NEMF: variants seen among roughly 807,000 people sequenced by gnomAD.
The protein encoded by NEMF is nuclear export mediator factor, also known as ribosome quality control complex subunit NEMF.
A neutral mutation model predicts 162.2 loss-of-function variants in NEMF; 89 were observed. The observed-to-expected ratio is 0.55, with a 90% CI of 0.46 to 0.65. The LOEUF (loss-of-function observed/expected upper bound fraction) is 0.65, where lower values mean the gene tolerates loss of function less well. Ranked by LOEUF, NEMF falls within the 30% of genes least tolerant of loss-of-function variation. NEMF has a pLI of 0.00. For missense variants in NEMF, 1,133 were observed against 1,261.9 expected (o/e 0.90, Z 1.55); for synonymous variants, 421 against 404.5 (o/e 1.04, Z -0.49).
At chr14:49,822,398 G>T (rs1293566910) in intron 16 of NEMF, among the ~76,000 whole-genome samples, 1 of 151,340 alleles carries the variant, frequency 6.6e-6, no homozygotes, top group East Asian at 1.9e-4. Context: ...GCGCACACCT[G>T]TAGTCCCAGC....
At position 49,800,698 on chromosome 14, in the gene NEMF, T is replaced by C. The variant is rs2139857246; in HGVS notation, c.2096-2A>G. ...CATCACTGCTCGTGTCACCTCCATC[T>C]GTAGAATTATCATAAGGAAAGTCAG... On this transcript the variant is annotated splice_acceptor_variant, in intron 22 of 32. Transcript: ENST00000298310. LOFTEE classifies it high-confidence loss of function. 1 of 1,610,570 alleles carries C rather than the reference T, an allele frequency of 6.2e-7. No individual in the cohort carries two copies. Among genetic ancestry groups the C allele is most frequent in the Non-Finnish European group, 8.5e-7 (1 of 1,178,342 alleles).
chr14:49,846,692 T>TG (rs1594811004), intron 3 of NEMF, among the ~76,000 whole-genome samples: 1 of 152,320 alleles, frequency 6.6e-6, no homozygotes, highest in East Asian at 1.9e-4. Context: ...CTCAAACTCC[T>TG]GGGCACAAGC....
At position 49,783,077 on chromosome 14, in the gene NEMF, T is replaced by C; in HGVS notation, c.*1559A>G. Reference sequence around the variant, plus strand: ...TTGCACCTGTTGGTTTTAATGTGCATGTGAATGGCCTAGAGAACCTATTTT... The same window carrying C: ...TTGCACCTGTTGGTTTTAATGTGCACGTGAATGGCCTAGAGAACCTATTTT... On this transcript the variant is annotated 3_prime_UTR_variant, in exon 33 of 33. Transcript: ENST00000298310. The C allele has an allele frequency of 2.1e-6, 2 of 962,194 alleles. No homozygotes were observed. The highest frequency in any genetic ancestry group is 3.0e-6 in the Non-Finnish European group (2 of 663,156). The allele number at this position is 962,194 out of a possible 1,614,324, so 59.6% of individuals were successfully genotyped here.
At position 49,832,192 on chromosome 14, in the gene NEMF, T is replaced by A. The variant is rs749013787; in HGVS notation, c.806+15A>T. 1.9e-6 allele frequency: 3 copies of A among 1,600,680 alleles called. No individual in the cohort carries two copies. In the East Asian group the frequency reaches 6.7e-5, roughly 36 times the overall value. ...CAAACATCCAAAGCAAATTGACCCA[T>A]GCCTATATGCTTACGTCAGTATGTC... On this transcript the variant is annotated intron_variant, in intron 9 of 32. Coordinates refer to ENST00000298310, the MANE Select transcript of NEMF (RefSeq NM_004713.6).
At position 49,784,784 on chromosome 14, in the gene NEMF, GA is replaced by G. The variant is rs1052634670; in HGVS notation, c.3154-72del. 1.1e-5 allele frequency: 16 copies of G among 1,476,968 alleles called. No individual in the cohort carries two copies. The African/African-American group carries it at 1.3e-4, about 12-fold the overall frequency. The allele number at this position is 1,476,968 out of a possible 1,614,324, so 91.5% of individuals were successfully genotyped here. A position where few individuals can be genotyped will look rare whatever the true frequency, so the allele number is the denominator to read the frequency against. ...ATCATGTTTCTTTTATGACAAAAAC[GA>G]AAAACATTTCCAAACTTTTAGCTGA... On this transcript the variant is annotated intron_variant, in intron 32 of 32. Transcript: ENST00000298310.
At chr14:49,789,420 G>C in intron 27 of NEMF, 76 bp downstream of exon 27, 1 of 1,610,890 alleles carries the variant, frequency 6.2e-7, no homozygotes, top group Non-Finnish European at 8.5e-7. Context: ...TGTATTGAAT[G>C]CCTGTCATAC....
intron 6 of NEMF, among the ~76,000 whole-genome samples, chr14:49,834,703 G>A (rs987363051): frequency 7.9e-5 from 12 of 152,064 alleles, no homozygotes; most frequent in African/African-American, 2.4e-4. Context: ...GGCTGGTCTC[G>A]AACTCCTAAC....
At position 49,799,639 on chromosome 14, in the gene NEMF, A is replaced by G. The variant is rs1890865213; in HGVS notation, c.2412T>C (p.Asn804=). ...CATAAAACTGAAAATAGCTTACAGA[A>G]TTAGAAGATTCCTCTTTTGAAGCCA... ...QKLASKEESS[N]SSDSKSQSRR... is the part of the protein sequence containing the mutation. Residue 804 remains asparagine, a synonymous_variant, in exon 24 of 33, where the codon AAT becomes AAC. Transcript: ENST00000298310. 6.2e-7 allele frequency: 1 copy of G among 1,612,234 alleles called. No individual in the cohort carries two copies. The highest frequency in any genetic ancestry group is 8.5e-7 in the Non-Finnish European group (1 of 1,179,362).
intron 25 of NEMF, chr14:49,796,386 ATTC>A (rs1422874537): frequency 1.9e-5 from 8 of 432,146 alleles, no homozygotes; most frequent in Admixed American, 2.5e-5. Flanking sequence ...TTACTGTGGT[ATTC>A]TTCTTTCTGT....
intron 3 of NEMF, among the ~76,000 whole-genome samples, chr14:49,851,301 A>G (rs1316119501): frequency 6.6e-6 from 1 of 152,254 alleles, no homozygotes; most frequent in Non-Finnish European, 1.5e-5. Flanking sequence ...CAGTTAAGGA[A>G]CTGTAAGGCT....
chr14:49,819,392 CATATATAT>C (rs10596408), intron 16 of NEMF, among the ~76,000 whole-genome samples: 121,237 of 147,438 alleles, frequency 0.82, 51,478 homozygotes, highest in East Asian at 0.95. Flanking sequence ...TATTATAGAC[CATATATAT>C]ATATATATAT....
At chr14:49,823,257 T>TA (rs1240445132) in intron 16 of NEMF, among the ~76,000 whole-genome samples, 13 of 151,862 alleles carry the variant, frequency 8.6e-5, no homozygotes, top group African/African-American at 2.9e-4. Context: ...ATATATAATT[T>TA]AAAAAAATTT....
At chr14:49,806,708 A>C (rs796243661) in intron 18 of NEMF, among the ~76,000 whole-genome samples, 5 of 152,338 alleles carry the variant, frequency 3.3e-5, no homozygotes, top group South Asian at 2.1e-4. Flanking sequence ...GAGAAGAAAT[A>C]TCCTCTCACA....
At chr14:49,823,061 C>T (rs1892162000) in intron 16 of NEMF, among the ~76,000 whole-genome samples, 1 of 151,638 alleles carries the variant, frequency 6.6e-6, no homozygotes. Flanking sequence ...CTCAGCCTCC[C>T]TAGTAGCTGG....
At position 49,833,415 on chromosome 14, in the gene NEMF, G is replaced by C. The variant is rs747945546; in HGVS notation, c.735+8C>G. 22 of 1,543,908 alleles carry C rather than the reference G, an allele frequency of 1.4e-5. No individual in the cohort carries two copies. The highest frequency in any genetic ancestry group is 8.9e-6 in the Non-Finnish European group (10 of 1,129,242). Reference sequence around the variant, plus strand: ...ACAACAATATATAGTAAGTATACATGGTGCTACCTTCCCACTGAAGTTGGA... The same window carrying C: ...ACAACAATATATAGTAAGTATACATCGTGCTACCTTCCCACTGAAGTTGGA... On this transcript the variant is annotated splice_region_variant and intron_variant, in intron 8 of 32. Transcript: ENST00000298310.
Position 49,828,631 on chromosome 14 carries a change from T to A in NEMF, c.1409A>T (p.Tyr470Phe). Residue 470 changes from tyrosine to phenylalanine, a missense_variant, in exon 14 of 33, where the codon TAT becomes TTT. Tyr to Phe is a conservative substitution (Grantham distance 22). Around this residue, in one of 3 missense-constraint regions of NEMF, gnomAD observed 582 missense variants for 631.5 expected, o/e 0.92. Transcript: ENST00000298310. ...LVDVDLSLSA[Y>F]ANAKKYYDHK... ...AATGACTTACTTTTTGGCATTGGCA[T>A]ATGCTGACAAGCTGAGATCAACATC... 7 of 1,569,840 alleles carry A rather than the reference T, an allele frequency of 4.5e-6. No individual in the cohort carries two copies. Among genetic ancestry groups the A allele is most frequent in the Non-Finnish European group, 6.0e-6 (7 of 1,166,912 alleles).
intron 25 of NEMF, among the ~76,000 whole-genome samples, chr14:49,798,894 G>A (rs1441047919): frequency 2.0e-5 from 3 of 151,660 alleles, no homozygotes; most frequent in East Asian, 1.9e-4. Flanking sequence ...GCGACAGAGC[G>A]AGACTCCATC....
At position 49,806,256 on chromosome 14, in the gene NEMF, A is replaced by ATTTTTTTTTTTT. The variant is rs71118803; in HGVS notation, c.1745-135_1745-124dup. The ATTTTTTTTTTTT allele has an allele frequency of 5.2e-5, 2 of 38,552 alleles. 1 individual carries two copies. The highest frequency in any genetic ancestry group is 2.3e-4 in the African/African-American group (2 of 8,604). 2.4% of individuals were successfully genotyped at this position (38,552 alleles called of 1,614,324 possible). Reference sequence around the variant, plus strand: ...TGTATATATATATATATATATATATATTTTTTTTTTTTTTTTTTTTTTTGA... The same window carrying ATTTTTTTTTTTT: ...TGTATATATATATATATATATATATATTTTTTTTTTTTTTTTTTTTTTTTTTTTTTTTTTTGA... On this transcript the variant is annotated intron_variant, in intron 18 of 32. Transcript: ENST00000298310.
At chr14:49,820,569 G>C (rs1198602409) in intron 16 of NEMF, 11 of 450,692 alleles carry the variant, frequency 2.4e-5, no homozygotes, top group Non-Finnish European at 4.5e-5. Context: ...AGGAGTTCGA[G>C]ACTAGCCTGG....
Sources: allele counts gnomAD v4.1 joint callset (sites outside exome capture counted in the v4.1 genomes callset), GRCh38; gene constraint gnomAD v4.1.1; regional missense constraint gnomAD v4.1.1; transcripts MANE v1.5; gene names NCBI Gene and HGNC (gene_info 2026-07-23, HGNC 2026-07-21).